The following ATP10B variants were observed in gnomAD, a reference collection of about 807,000 sequenced individuals.
ATP10B encodes the protein phospholipid-transporting ATPase VB.
In ATP10B, 122 loss-of-function variants were observed where a neutral mutation model predicts 141.2. The ratio of observed to expected loss-of-function variants is 0.86; its 90% CI spans 0.75 to 1.00. The LOEUF is 1.00. Ranked by LOEUF, ATP10B falls within the 50% of genes least tolerant of loss-of-function variation. The pLI is 0.00. For missense variants in ATP10B, 1,876 were observed against 1,825.3 expected, an observed-to-expected ratio of 1.03 and a Z score of -0.51; for synonymous variants, 685 against 692.0, an observed-to-expected ratio of 0.99 and a Z score of 0.16.
intron 17 of ATP10B, chr5:160,614,077 T>A (rs546988673): frequency 1.3e-4 from 20 of 151,942 alleles, no homozygotes; most frequent in Non-Finnish European, 2.2e-4. Flanking sequence ...CTCAGCCCAG[T>A]CCTCTCCAAG....
the ATP10B span, among the ~76,000 whole-genome samples, chr5:160,907,938 C>T: frequency 6.6e-6 from 1 of 152,200 alleles, no homozygotes; most frequent in Non-Finnish European, 1.5e-5. Context: ...CTCTCATACT[C>T]TGCGCCTCAG....
At chr5:160,594,665 A>G (rs1297482239) in intron 22 of ATP10B, among the ~76,000 whole-genome samples, 1 of 151,264 alleles carries the variant, frequency 6.6e-6, no homozygotes, top group Non-Finnish European at 1.5e-5. Context: ...AGAGACACAC[A>G]TAGGTTCAAA....
At chr5:160,838,317 A>C (rs1401294773) in intron 1 of ATP10B, among the ~76,000 whole-genome samples, 1 of 152,148 alleles carries the variant, frequency 6.6e-6, no homozygotes, top group African/African-American at 2.4e-5. Flanking sequence ...CATCAGAAAA[A>C]CATGTAGATG....
chr5:160,755,707 C>T lies in ATP10B; in HGVS notation c.-331+29852G>A, dbSNP rs891263147. Among the ~76,000 whole-genome samples the T allele has an allele frequency of 8.3e-3, 1,209 of 146,060 alleles. 16 individuals carry two copies. Among genetic ancestry groups the T allele is most frequent in the African/African-American group, 0.029 (1,162 of 40,166 alleles). ...GCGGGCGCCTGTAGTCCCAGCTACG[C>T]GGGAAGCTGAGGCAGGAGAATGGCG... On this transcript the variant is annotated intron_variant, in intron 2 of 25. Transcript: ENST00000327245.
the ATP10B span, among the ~76,000 whole-genome samples, chr5:160,884,620 A>C: frequency 6.6e-6 from 1 of 152,176 alleles, no homozygotes; most frequent in East Asian, 1.9e-4. Flanking sequence ...TTATTTATTT[A>C]GAGTGAAATG....
intron 3 of ATP10B, among the ~76,000 whole-genome samples, chr5:160,714,863 A>C (rs915684371): frequency 1.4e-5 from 2 of 147,402 alleles, no homozygotes; most frequent in Non-Finnish European, 3.0e-5. Flanking sequence ...GGTCTGTTGG[A>C]ATACCCTGCC....
intron 6 of ATP10B, among the ~76,000 whole-genome samples, chr5:160,682,893 G>T (rs1763503410): frequency 6.6e-6 from 1 of 151,604 alleles, no homozygotes; most frequent in East Asian, 1.9e-4. Flanking sequence ...CAAAAAATTA[G>T]CCAGGCGTGA....
chr5:160,649,598 C>T (rs1409750366), intron 7 of ATP10B, among the ~76,000 whole-genome samples: 1 of 152,172 alleles, frequency 6.6e-6, no homozygotes, highest in Non-Finnish European at 1.5e-5. Flanking sequence ...CCACTAATCA[C>T]ATGTGTCTAT....
chr5:160,652,949 TATATTATATATAC>T (rs1760970532), intron 7 of ATP10B, among the ~76,000 whole-genome samples: 1 of 92,236 alleles, frequency 1.1e-5, no homozygotes, highest in Admixed American at 1.7e-4. Flanking sequence ...GTATATATAA[TATATTATATATAC>T]ATGTATATAT....
intron 7 of ATP10B, among the ~76,000 whole-genome samples, chr5:160,652,893 AT>A: frequency 1.5e-5 from 1 of 68,258 alleles, no homozygotes; most frequent in Non-Finnish European, 2.5e-5. Context: ...ATATAATTAT[AT>A]AATATATTAT....
At chr5:160,876,530 A>G in the ATP10B span, among the ~76,000 whole-genome samples, 1 of 147,802 alleles carries the variant, frequency 6.8e-6, no homozygotes, top group Non-Finnish European at 1.5e-5. Flanking sequence ...AGAAATAACT[A>G]AAATCAGAGC....
chr5:160,873,891 C>T, the ATP10B span, among the ~76,000 whole-genome samples: 5 of 152,224 alleles, frequency 3.3e-5, no homozygotes, highest in East Asian at 1.9e-4. Context: ...CCTACACCCA[C>T]GGAGTCTCGC....
At chr5:160,653,655 ACATATATACATATATATTATATAT>A (rs1761164252) in intron 7 of ATP10B, among the ~76,000 whole-genome samples, 1 of 78,794 alleles carries the variant, frequency 1.3e-5, no homozygotes, top group Non-Finnish European at 2.3e-5. Flanking sequence ...TATTATATAT[ACATATATACATATATATTATATAT>A]ACATATATAC....
chr5:160,699,446 G>GTACA lies in ATP10B; in HGVS notation c.-204-10507_-204-10504dup, dbSNP rs544203321. 6.7e-4 allele frequency among the ~76,000 whole-genome samples: 102 copies of GTACA among 152,274 alleles called. 3 individuals carry two copies. The highest frequency in any genetic ancestry group is 2.5e-3 in the African/African-American group (102 of 41,572). ...AGCTGAAAGCAATTAAAAGACAATAGTACACATTGACTGGCTCAGTTCACT... is the reference window on the plus strand; with the variant it reads ...AGCTGAAAGCAATTAAAAGACAATAGTACATACACATTGACTGGCTCAGTTCACT... On this transcript the variant is annotated intron_variant, in intron 3 of 25. Transcript: ENST00000327245.
chr5:160,652,920 TA>T (rs1561701969), intron 7 of ATP10B, among the ~76,000 whole-genome samples: 4 of 85,158 alleles, frequency 4.7e-5, no homozygotes, highest in Non-Finnish European at 6.2e-5. Flanking sequence ...CATGTATATA[TA>T]ATATATTATA....
intron 24 of ATP10B, 66 bp from the exon 25 acceptor site, chr5:160,569,749 C>T (rs574468351): frequency 4.7e-6 from 6 of 1,275,946 alleles, no homozygotes; most frequent in African/African-American, 3.1e-5. Context: ...GGTGATCAAA[C>T]TACTTGATTA....
chr5:160,889,204 C>T, the ATP10B span, among the ~76,000 whole-genome samples: 2 of 152,190 alleles, frequency 1.3e-5, no homozygotes, highest in African/African-American at 4.8e-5. Context: ...CCAGCCAACC[C>T]CGCAGCCTTC....
the ATP10B span, among the ~76,000 whole-genome samples, chr5:160,907,719 A>G: frequency 1.3e-5 from 2 of 152,222 alleles, no homozygotes; most frequent in Admixed American, 6.5e-5. Flanking sequence ...TGCAAAGTTG[A>G]GGAAACTGAG....
the ATP10B span, among the ~76,000 whole-genome samples, chr5:160,923,614 T>C: frequency 6.6e-6 from 1 of 152,194 alleles, no homozygotes; most frequent in East Asian, 1.9e-4. Flanking sequence ...TGTCCAAGCT[T>C]TAACTAGATT....
Sources: allele counts gnomAD v4.1 joint callset (sites outside exome capture counted in the v4.1 genomes callset), GRCh38; gene constraint gnomAD v4.1.1; transcripts MANE v1.5; gene names NCBI Gene and HGNC (gene_info 2026-07-23, HGNC 2026-07-21).